The following LRRIQ1 variants were observed in gnomAD, a reference collection of about 807,000 sequenced individuals.
LRRIQ1 encodes the protein leucine-rich repeat- and IQ domain-containing protein 1.
A neutral mutation model predicts 211.9 loss-of-function variants in LRRIQ1; 210 were observed. The observed-to-expected ratio is 0.99, with a 90% CI of 0.89 to 1.11. The LOEUF is 1.11. Ranked by LOEUF, LRRIQ1 falls within the 50% of genes most tolerant of loss-of-function variation. The probability of loss-of-function intolerance (pLI) is 0.00; values close to 1 mark genes in which losing one functional copy is unlikely to be tolerated. For missense variants in LRRIQ1, 2,136 were observed against 1,939.5 expected, an observed-to-expected ratio of 1.10 and a Z score of -1.90; for synonymous variants, 699 against 650.1, an observed-to-expected ratio of 1.08 and a Z score of -1.14.
intron 24 of LRRIQ1, among the ~76,000 whole-genome samples, chr12:85,182,510 T>G (rs1892029790): frequency 6.6e-6 from 1 of 152,152 alleles, no homozygotes; most frequent in Admixed American, 6.6e-5. Flanking sequence ...ACCACAAGAA[T>G]GCATTTCCCC....
intron 1 of LRRIQ1, 84 bp from the exon 2 acceptor site, chr12:85,038,069 T>C (rs971229270): frequency 2.1e-5 from 19 of 911,798 alleles, no homozygotes; most frequent in Non-Finnish European, 2.7e-5. Context: ...AAAACATATT[T>C]AAATAAATAT....
chr12:85,248,467 C>G (rs759382984), downstream of LRRIQ1, among the ~76,000 whole-genome samples: 4 of 151,526 alleles, frequency 2.6e-5, no homozygotes, highest in Admixed American at 1.3e-4. Flanking sequence ...TCACTGCTCC[C>G]TGCATACCCA....
At chr12:85,139,369 T>C (rs1235102013) in intron 19 of LRRIQ1, among the ~76,000 whole-genome samples, 1 of 151,480 alleles carries the variant, frequency 6.6e-6, no homozygotes, top group Non-Finnish European at 1.5e-5. Flanking sequence ...CCAGATGTCA[T>C]CTCACAATAA....
chr12:85,219,475 C>A (rs1456272519), intron 24 of LRRIQ1, among the ~76,000 whole-genome samples: 1 of 151,972 alleles, frequency 6.6e-6, no homozygotes, highest in Non-Finnish European at 1.5e-5. Flanking sequence ...TTTTATTTTT[C>A]TTTGCCTTCA....
At chr12:85,125,014 TA>T (rs1259350397) in intron 17 of LRRIQ1, among the ~76,000 whole-genome samples, 48 of 151,960 alleles carry the variant, frequency 3.2e-4, no homozygotes, top group Non-Finnish European at 5.3e-4. Flanking sequence ...CCGTCTCTAC[TA>T]AAAAATACAA....
chr12:85,182,246 T>G (rs1381628914), intron 24 of LRRIQ1, among the ~76,000 whole-genome samples: 1 of 152,144 alleles, frequency 6.6e-6, no homozygotes, highest in Non-Finnish European at 1.5e-5. Context: ...CGATCATCTC[T>G]GAGTTTGAAA....
At chr12:85,100,182 T>A (rs1039782472) in intron 13 of LRRIQ1, among the ~76,000 whole-genome samples, 1 of 151,932 alleles carries the variant, frequency 6.6e-6, no homozygotes, top group East Asian at 1.9e-4. Context: ...GCCACATTAA[T>A]AAGCATAAAA....
At chr12:85,125,136 G>A (rs1234891610) in intron 17 of LRRIQ1, among the ~76,000 whole-genome samples, 5 of 151,954 alleles carry the variant, frequency 3.3e-5, no homozygotes, top group Middle Eastern at 3.2e-3. Flanking sequence ...CCGAGATCAC[G>A]CCACTGCACT....
At chr12:85,037,292 AG>A (rs369099965) in intron 1 of LRRIQ1, among the ~76,000 whole-genome samples, 16 of 152,176 alleles carry the variant, frequency 1.1e-4, no homozygotes, top group East Asian at 9.7e-4. Flanking sequence ...AGTCATGTAA[AG>A]GAAATGACTC....
chr12:85,231,807 C>T (rs1894953946), intron 25 of LRRIQ1, among the ~76,000 whole-genome samples: 1 of 152,134 alleles, frequency 6.6e-6, no homozygotes, highest in African/African-American at 2.4e-5. Flanking sequence ...GAGGTAACCA[C>T]CCTCATGACC....
At chr12:85,130,003 G>A (rs1888640983) in intron 18 of LRRIQ1, among the ~76,000 whole-genome samples, 1 of 152,146 alleles carries the variant, frequency 6.6e-6, no homozygotes, top group Non-Finnish European at 1.5e-5. Flanking sequence ...ATACATGAGA[G>A]ATAGGAATCA....
At chr12:85,207,343 A>G (rs1043972183) in intron 24 of LRRIQ1, among the ~76,000 whole-genome samples, 6 of 151,930 alleles carry the variant, frequency 3.9e-5, no homozygotes, top group Non-Finnish European at 1.5e-5. Flanking sequence ...TGTGCCTCCT[A>G]CTTTCATATG....
chr12:85,100,142 C>T (rs1886236715), intron 13 of LRRIQ1, among the ~76,000 whole-genome samples: 1 of 151,536 alleles, frequency 6.6e-6, no homozygotes. Context: ...AATTGAGATA[C>T]CTAACGTATT....
At chr12:85,243,312 T>TCA (rs1311934724) in intron 26 of LRRIQ1, among the ~76,000 whole-genome samples, 1 of 110,992 alleles carries the variant, frequency 9.0e-6, no homozygotes, top group Admixed American at 9.7e-5. Flanking sequence ...AATGTATAAC[T>TCA]TTTATTATTA....
chr12:85,128,167 T>C, intron 18 of LRRIQ1, 134 bp downstream of exon 18: 2 of 777,204 alleles, frequency 2.6e-6, no homozygotes, highest in African/African-American at 1.8e-5. Flanking sequence ...TCAAGTGACA[T>C]GTTGGCTGCA....
chr12:85,086,040 G>T (rs1034013944), intron 11 of LRRIQ1, among the ~76,000 whole-genome samples: 16 of 152,060 alleles, frequency 1.1e-4, no homozygotes, highest in Non-Finnish European at 1.9e-4. Flanking sequence ...ACTAATTCAC[G>T]TTTTCACCAA....
intron 25 of LRRIQ1, among the ~76,000 whole-genome samples, 165 bp downstream of exon 25, chr12:85,229,814 CCTT>C (rs1159407943): frequency 2.0e-5 from 3 of 152,108 alleles, no homozygotes; most frequent in Admixed American, 1.3e-4. Flanking sequence ...TTTAATTACT[CCTT>C]CTATTTTTCA....
chr12:85,204,740 T>C (rs1392060749), intron 24 of LRRIQ1, among the ~76,000 whole-genome samples: 1 of 149,842 alleles, frequency 6.7e-6, no homozygotes, highest in Admixed American at 6.6e-5. Context: ...ACCCCCATTG[T>C]ATCTAGGAAA....
chr12:85,218,785 A>G (rs962573257), intron 24 of LRRIQ1, among the ~76,000 whole-genome samples: 2 of 152,092 alleles, frequency 1.3e-5, no homozygotes, highest in Non-Finnish European at 2.9e-5. Flanking sequence ...TAACATTTAC[A>G]TTAATATTTC....
Sources: allele counts gnomAD v4.1 joint callset (sites outside exome capture counted in the v4.1 genomes callset), GRCh38; gene constraint gnomAD v4.1.1; transcripts MANE v1.5; gene names NCBI Gene and HGNC (gene_info 2026-07-23, HGNC 2026-07-21).